The following EP400 variants were observed in gnomAD, a reference collection of about 807,000 sequenced individuals.
The protein encoded by EP400 is E1A-binding protein p400.
Under a neutral mutation model 354.1 loss-of-function variants are expected in EP400, and 105 were observed. The observed-to-expected ratio is 0.30, with a 90% CI of 0.25 to 0.35. The LOEUF is 0.35. Ranked by LOEUF, EP400 falls within the 10% of genes least tolerant of loss-of-function variation. The pLI, the probability that EP400 is intolerant of heterozygous loss-of-function variation, is 1.00. For synonymous variants in EP400, 1,646 were observed against 1,716.9 expected, an observed-to-expected ratio of 0.96 and a Z score of 1.02; for missense variants, 3,280 against 4,121.0, an observed-to-expected ratio of 0.80 and a Z score of 5.59.
Position 132,055,029 on chromosome 12 carries a change from A to G in EP400, c.7774+10A>G. Reference sequence around the variant, plus strand: ...ACGAGCATGCCCACTGGTAAGACAAATACAGAGATGCTGAAATGTGGACCC... The same window carrying G: ...ACGAGCATGCCCACTGGTAAGACAAGTACAGAGATGCTGAAATGTGGACCC... On this transcript the variant is annotated intron_variant, in intron 44 of 52. Transcript: ENST00000389561. The G allele has an allele frequency of 6.2e-7, 1 of 1,614,004 alleles. No individual in the cohort carries two copies. Among genetic ancestry groups the G allele is most frequent in the East Asian group, 2.2e-5 (1 of 44,884 alleles).
chr12:131,986,524 C>T lies in EP400; in HGVS notation c.1940C>T (p.Ser647Leu), dbSNP rs1000589389. 9 of 1,601,972 alleles carry T rather than the reference C, an allele frequency of 5.6e-6. No individual in the cohort carries two copies. Among genetic ancestry groups the T allele is most frequent in the African/African-American group, 1.3e-5 (1 of 74,750 alleles). The change falls in exon 6 of 53, where the codon TCG becomes TTG. Residue 647 changes from serine (S) to leucine (L), a missense_variant. By Grantham distance (145) the Ser-to-Leu change is moderately radical (BLOSUM62 -2). Transcript: ENST00000389561. ...QLSSLPQMVA[S>L]TRLPVDPAPP... is the part of the protein sequence containing the mutation. ...GCCCTGCCCTTACAGATGGTAGCAT[C>T]GACAAGGCTCCCTGTGGACCCTGCC...
At chr12:132,069,166 TAGC>T (rs1439565109) in intron 50 of EP400, 3 of 309,110 alleles carry the variant, frequency 9.7e-6, no homozygotes, top group South Asian at 9.9e-5. Context: ...GTCACCTAAG[TAGC>T]AGCCCCGTGC....
At chr12:131,991,789 G>C (rs542956380) in intron 10 of EP400, among the ~76,000 whole-genome samples, 10 of 151,512 alleles carry the variant, frequency 6.6e-5, no homozygotes, top group Admixed American at 5.3e-4. Flanking sequence ...GTTTCACCGT[G>C]TTGCCCAGGC....
rs951496953 is a variant in EP400, at chr12:132,017,005, T to TC, written c.3924-526dup. Among the ~76,000 whole-genome samples the TC allele has an allele frequency of 6.6e-6, 1 of 152,204 alleles. No homozygotes were observed. The highest frequency in any genetic ancestry group is 1.5e-5 in the Non-Finnish European group (1 of 68,026). Reference sequence around the variant, plus strand: ...CACTGTGCTCACACCAGAGAGCTACTCCCCACCATGGTCCCATTTCCTGCC... The same window carrying TC: ...CACTGTGCTCACACCAGAGAGCTACTCCCCCACCATGGTCCCATTTCCTGCC... On this transcript the variant is annotated intron_variant, in intron 19 of 52. Transcript: ENST00000389561. This position sits in a 1 kb window ranked among gnomAD's most constrained non-coding sequence, Gnocchi z 5.0.
At position 131,992,235 on chromosome 12, in the gene EP400, G is replaced by T. The variant is rs949896805; in HGVS notation, c.2737+5G>T. 1 of 1,609,486 alleles carries T rather than the reference G, an allele frequency of 6.2e-7. No individual in the cohort carries two copies. The highest frequency in any genetic ancestry group is 2.2e-5 in the East Asian group (1 of 44,884). ...TATCTTTGACTGATGACGAAGGTCTGTTCCCCCTCAGCACTATCTTTGTCA... is the reference window on the plus strand; with the variant it reads ...TATCTTTGACTGATGACGAAGGTCTTTTCCCCCTCAGCACTATCTTTGTCA... On this transcript the variant is annotated splice_donor_5th_base_variant and intron_variant, in intron 11 of 52. Coordinates refer to ENST00000389561, the MANE Select transcript of EP400 (RefSeq NM_015409.5).
At chr12:131,955,719 A>C (rs1321625482) in intron 1 of EP400, among the ~76,000 whole-genome samples, 1 of 151,520 alleles carries the variant, frequency 6.6e-6, no homozygotes, top group Non-Finnish European at 1.5e-5. Context: ...ATCTTGGCTC[A>C]TTGCATCCTC....
At chr12:131,950,656 C>G (rs934384715) in intron 1 of EP400, among the ~76,000 whole-genome samples, 4 of 152,244 alleles carry the variant, frequency 2.6e-5, no homozygotes, top group African/African-American at 9.6e-5. Flanking sequence ...ATTGCCGCTG[C>G]CTCCCCGGGG....
chr12:131,968,586 G>A (rs1374719684), intron 2 of EP400, among the ~76,000 whole-genome samples: 1 of 152,166 alleles, frequency 6.6e-6, no homozygotes, highest in Non-Finnish European at 1.5e-5. Flanking sequence ...ATTTTAGAAT[G>A]AGCTTGTTGA....
chr12:132,024,234 G>A (rs1028108209), intron 24 of EP400, among the ~76,000 whole-genome samples: 8 of 152,302 alleles, frequency 5.3e-5, no homozygotes, highest in Middle Eastern at 3.4e-3. Context: ...TTGGCCAGGC[G>A]TGGTGGTGCT....
At chr12:131,972,573 A>G (rs111506256) in intron 2 of EP400, among the ~76,000 whole-genome samples, 2,187 of 152,224 alleles carry the variant, frequency 0.014, 49 homozygotes, top group African/African-American at 0.05. Flanking sequence ...TTTTTAGGTG[A>G]TACTGAGTGC....
rs752338723 is a variant in EP400, at chr12:132,055,081, G to C, written c.7775-18G>C. Reference sequence around the variant, plus strand: ...ATTTCTCCTGGCGCTGTTGCCTTATGCCCGCCTGTCTCCGCAGGTGCCGTG... The same window carrying C: ...ATTTCTCCTGGCGCTGTTGCCTTATCCCCGCCTGTCTCCGCAGGTGCCGTG... On this transcript the variant is annotated intron_variant, in intron 44 of 52. Transcript: ENST00000389561. The C allele has an allele frequency of 1.9e-6, 3 of 1,613,824 alleles. No individual in the cohort carries two copies. Among genetic ancestry groups the C allele is most frequent in the Non-Finnish European group, 2.5e-6 (3 of 1,179,892 alleles).
intron 39 of EP400, among the ~76,000 whole-genome samples, chr12:132,048,043 C>T (rs1325716806): frequency 6.6e-6 from 1 of 152,246 alleles, no homozygotes; most frequent in Non-Finnish European, 1.5e-5. Flanking sequence ...TTAAGGTTAT[C>T]TCTCTTGTTC....
chr12:132,028,010 G>T lies in EP400; in HGVS notation c.5110-7G>T. 4.4e-6 allele frequency: 7 copies of T among 1,606,870 alleles called. No individual in the cohort carries two copies. The highest frequency in any genetic ancestry group is 6.0e-6 in the Non-Finnish European group (7 of 1,174,624). On this transcript the variant is annotated splice_region_variant and splice_polypyrimidine_tract_variant and intron_variant, in intron 26 of 52. Transcript: ENST00000389561. ...AAGTAACTGTTTTTCATCACTTTTT[G>T]ATAAAGGAGGAAAAGACCAGACTCT...
chr12:132,006,435 C>A, intron 14 of EP400, 133 bp downstream of exon 14: 1 of 1,128,536 alleles, frequency 8.9e-7, no homozygotes, highest in Non-Finnish European at 1.2e-6. Flanking sequence ...AAAAGCAATT[C>A]TTCATGTGCC....
At chr12:131,998,923 G>A (rs1164940202) in intron 12 of EP400, among the ~76,000 whole-genome samples, 1 of 142,560 alleles carries the variant, frequency 7.0e-6, no homozygotes, top group Non-Finnish European at 1.6e-5. Flanking sequence ...ATACAGTCTT[G>A]TATACAAAGT....
At position 132,052,202 on chromosome 12, in the gene EP400, A is replaced by C. The variant is rs1281675631; in HGVS notation, c.7395-944A>C. 4.6e-5 allele frequency among the ~76,000 whole-genome samples: 7 copies of C among 152,256 alleles called. No individual in the cohort carries two copies. Among genetic ancestry groups the C allele is most frequent in the Admixed American group, 2.0e-4 (3 of 15,294 alleles). ...GTTTTATATTTTATTATACTGGAAC[A>C]GCTCGTGTCCTTGGTCTCTTGCCTC... On this transcript the variant is annotated intron_variant, in intron 41 of 52. Transcript: ENST00000389561. This position sits in a 1 kb window ranked among gnomAD's most constrained non-coding sequence, Gnocchi z 4.4.
chr12:132,014,093 A>G (rs1893847169), intron 19 of EP400, among the ~76,000 whole-genome samples, 180 bp downstream of exon 19: 1 of 152,230 alleles, frequency 6.6e-6, no homozygotes, highest in Admixed American at 6.5e-5. Flanking sequence ...CAGCTGTTTC[A>G]GGCTCATGCT....
At chr12:132,044,484 A>C (rs904216073) in intron 35 of EP400, among the ~76,000 whole-genome samples, 173 bp downstream of exon 35, 11 of 152,352 alleles carry the variant, frequency 7.2e-5, no homozygotes, top group African/African-American at 2.4e-4. Flanking sequence ...TTTTCTTAAA[A>C]ATTGACACTT....
chr12:132,030,444 T>C (rs918742689), intron 29 of EP400, among the ~76,000 whole-genome samples: 2 of 152,244 alleles, frequency 1.3e-5, no homozygotes, highest in African/African-American at 4.8e-5. Flanking sequence ...GGTAAAAATA[T>C]GAAAACAATT....
Sources: gnomAD v4.1 joint callset for allele counts (sites outside exome capture counted in the v4.1 genomes callset) on GRCh38, gnomAD v4.1.1 for gene constraint, Gnocchi (gnomAD v3.1) non-coding constraint, MANE v1.5 for transcripts, NCBI Gene and HGNC (gene_info 2026-07-23, HGNC 2026-07-21) for gene names.